Variants in OSCAR observed in about 807,000 individuals in gnomAD.
OSCAR encodes the protein osteoclast associated Ig-like receptor, also known as osteoclast-associated immunoglobulin-like receptor.
OSCAR carries 25 observed loss-of-function variants against 27.3 expected under a neutral mutation model. The ratio of observed to expected loss-of-function variants is 0.92; its 90% CI spans 0.67 to 1.28. The LOEUF is 1.28. Ranked by LOEUF, OSCAR falls within the 50% of genes most tolerant of loss-of-function variation. The pLI, the probability that OSCAR is intolerant of heterozygous loss-of-function variation, is 0.00. For synonymous variants in OSCAR, 158 were observed against 165.7 expected, an observed-to-expected ratio of 0.95 and a Z score of 0.36; for missense variants, 354 against 355.1, an observed-to-expected ratio of 1.00 and a Z score of 0.03.
chr19:54,095,394 C>G, intron 4 of OSCAR, 37 bp from the exon 5 acceptor site: 1 of 1,540,966 alleles, frequency 6.5e-7, no homozygotes, highest in Non-Finnish European at 8.7e-7. Flanking sequence ...CCATCAGCTC[C>G]CGGACCCCAA....
chr19:54,098,900 C>G (rs1324921216), intron 2 of OSCAR, among the ~76,000 whole-genome samples: 1 of 150,598 alleles, frequency 6.6e-6, no homozygotes, highest in Non-Finnish European at 1.5e-5. Flanking sequence ...GCAGGAGAAT[C>G]CCTTGAACCC....
At chr19:54,096,477 T>TG (rs2072718889) in intron 3 of OSCAR, among the ~76,000 whole-genome samples, 33 of 126,002 alleles carry the variant, frequency 2.6e-4, no homozygotes, top group East Asian at 1.2e-3. Flanking sequence ...TCTCTCTGCC[T>TG]CCCTCTCTCT....
At chr19:54,099,981 C>G (rs1313473561) in intron 1 of OSCAR, among the ~76,000 whole-genome samples, 4 of 151,936 alleles carry the variant, frequency 2.6e-5, no homozygotes, top group Non-Finnish European at 5.9e-5. Flanking sequence ...CCAGGCTAAT[C>G]TTTGTATTTT....
rs916915019 is a variant in OSCAR at position 54,096,089 on chromosome 19, C to T, written c.438G>A (p.Val146=). Residue 146 remains valine, a synonymous_variant, in exon 4 of 5, where the codon GTG becomes GTA. Coordinates refer to ENST00000358375, the MANE Select transcript of OSCAR (RefSeq NM_133169.6). The part of the protein sequence containing the change: ...PGPVVGPGAN[V]SLRCAGRLRN... ...GCAGGCGGCCCGCGCAGCGCAGGCT[C>T]ACGTTGGCGCCAGGACCCACCACCG... The T allele has an allele frequency of 6.5e-7, 1 of 1,533,200 alleles. No individual in the cohort carries two copies. Among genetic ancestry groups the T allele is most frequent in the South Asian group, 1.2e-5 (1 of 83,840 alleles). The allele number at this position is 1,533,200 out of a possible 1,614,324, so 95.0% of individuals were successfully genotyped here. A position where few individuals can be genotyped will look rare whatever the true frequency, so the allele number is the denominator to read the frequency against.
intron 2 of OSCAR, among the ~76,000 whole-genome samples, chr19:54,098,601 C>G (rs587737455): frequency 7.9e-5 from 12 of 151,812 alleles, no homozygotes; most frequent in African/African-American, 2.9e-4. Context: ...GGAGGATTGT[C>G]TGAGCCCAGG....
At chr19:54,096,620 C>G (rs903816743) in intron 3 of OSCAR, among the ~76,000 whole-genome samples, 1 of 149,508 alleles carries the variant, frequency 6.7e-6, no homozygotes. Context: ...CTCTCTGCCT[C>G]CCTCTCTCTC....
At chr19:54,095,822 G>A in intron 4 of OSCAR, 50 bp downstream of exon 4, 1 of 1,550,816 alleles carries the variant, frequency 6.4e-7, no homozygotes, top group Non-Finnish European at 8.7e-7. Context: ...GAGGTCCTGG[G>A]GCCTGCATTC....
Position 54,095,024 on chromosome 19 carries a change from A to G in OSCAR, c.*197T>C. ...TTCTGGCTTGGAAGTCTTAACCACT[A>G]ATCGCGTCTTCCTTTCAGCTACTCC... is the stretch of plus-strand genomic sequence containing the variant. On this transcript the variant is annotated 3_prime_UTR_variant, in exon 5 of 5. Coordinates refer to ENST00000358375, the MANE Select transcript of OSCAR (RefSeq NM_133169.6). 1 of 865,104 alleles carries G rather than the reference A, an allele frequency of 1.2e-6. No homozygotes were observed. Among genetic ancestry groups the G allele is most frequent in the Non-Finnish European group, 1.6e-6 (1 of 610,668 alleles). The allele number at this position is 865,104 out of a possible 1,614,324, so 53.6% of individuals were successfully genotyped here. A position where few individuals can be genotyped will look rare whatever the true frequency, so the allele number is the denominator to read the frequency against.
intron 1 of OSCAR, 93 bp downstream of exon 1, chr19:54,100,663 C>G: frequency 1.5e-6 from 2 of 1,341,052 alleles, no homozygotes; most frequent in South Asian, 2.7e-5. Flanking sequence ...AACCTGCTGC[C>G]TGGTCCCCCT....
chr19:54,097,522 C>T (rs913907933), intron 2 of OSCAR, among the ~76,000 whole-genome samples: 18 of 150,234 alleles, frequency 1.2e-4, no homozygotes, highest in Non-Finnish European at 1.8e-4. Context: ...TGGCCTCAAG[C>T]AATCCTCCCA....
Position 54,097,148 on chromosome 19 carries a change from G to A in OSCAR, c.87C>T (p.Tyr29=), listed in dbSNP as rs2072790554. Reference sequence around the variant, plus strand: ...GAGCTCCCAGCCATGGCTTAGGGTGGTATGAAGCTGGGGGGACTGAATAAA... The same window carrying A: ...GAGCTCCCAGCCATGGCTTAGGGTGATATGAAGCTGGGGGGACTGAATAAA... ...DITPSVPPAS[Y]HPKPWLGAQP... Residue 29 remains tyrosine (Y), a synonymous_variant, in exon 3 of 5, where the codon TAC becomes TAT. Coordinates refer to ENST00000358375, the MANE Select transcript of OSCAR (RefSeq NM_133169.6). 23 of 1,613,772 alleles carry A rather than the reference G, an allele frequency of 1.4e-5. No homozygotes were observed. The highest frequency in any genetic ancestry group is 1.9e-5 in the Non-Finnish European group (23 of 1,179,826).
rs868445980 is a variant in OSCAR at position 54,096,955 on chromosome 19, G to A, written c.280C>T (p.Gln94Ter). 5.6e-6 allele frequency: 9 copies of A among 1,614,022 alleles called. No individual in the cohort carries two copies. Among genetic ancestry groups the A allele is most frequent in the African/African-American group, 4.0e-5 (3 of 74,914 alleles). Residue 94 changes from glutamine to a stop codon, truncating the protein, a stop_gained, in exon 3 of 5, where the codon CAA (glutamine) becomes TAA (stop). Transcript: ENST00000358375. LOFTEE classifies it high-confidence loss of function. ...EFFLEEVTPAQGGSYRCCYRR... is the reference protein window; with the variant it reads ...EFFLEEVTPA Reference sequence around the variant, plus strand: ...TAGCAGCAGCGGTAACTTCCCCCTTGGGCTGGAGTCACCTCCTCCAGAAAG... The same window carrying A: ...TAGCAGCAGCGGTAACTTCCCCCTTAGGCTGGAGTCACCTCCTCCAGAAAG...
chr19:54,094,986 C>T lies in OSCAR; in HGVS notation c.*235G>A, dbSNP rs1422158237. ...GTGAGTAGACGGCAGTGCTGGGATT[C>T]GAACCCTCTGTCTTCTGGCTTGGAA... is the stretch of plus-strand genomic sequence containing the variant. On this transcript the variant is annotated 3_prime_UTR_variant, in exon 5 of 5. Coordinates refer to ENST00000358375, the MANE Select transcript of OSCAR (RefSeq NM_133169.6). 7 of 581,316 alleles carry T rather than the reference C, an allele frequency of 1.2e-5. No homozygotes were observed. Among genetic ancestry groups the T allele is most frequent in the East Asian group, 1.0e-4 (3 of 29,714 alleles). 36.0% of individuals were successfully genotyped at this position (581,316 alleles called of 1,614,324 possible).
Position 54,098,771 on chromosome 19 carries a change from A to G in OSCAR, c.70+977T>C, listed in dbSNP as rs368484335. On this transcript the variant is annotated intron_variant, in intron 2 of 4. Transcript: ENST00000358375. Reference sequence around the variant, plus strand: ...GAGGCTGAGGCAGAGGGATCACCTGAGGTCAGGAGTTCCAGACCAGCCTGA... The same window carrying G: ...GAGGCTGAGGCAGAGGGATCACCTGGGGTCAGGAGTTCCAGACCAGCCTGA... 9.4e-4 allele frequency among the ~76,000 whole-genome samples: 143 copies of G among 152,060 alleles called. 1 individual carries two copies. In the Middle Eastern group the frequency reaches 0.01, roughly 11 times the overall value.
chr19:54,095,686 C>T, intron 4 of OSCAR, 186 bp downstream of exon 4: 1 of 1,106,378 alleles, frequency 9.0e-7, no homozygotes, highest in Non-Finnish European at 1.3e-6. Context: ...GACTAGACTC[C>T]TGGATCTGAG....
chr19:54,095,811 G>T (rs1366659252), intron 4 of OSCAR, 61 bp downstream of exon 4: 2 of 1,549,690 alleles, frequency 1.3e-6, no homozygotes, highest in African/African-American at 2.7e-5. Flanking sequence ...GTCTGAGGGC[G>T]GAGGTCCTGG....
chr19:54,096,817 C>G (rs2072755259), intron 3 of OSCAR, 45 bp downstream of exon 3: 2 of 1,580,168 alleles, frequency 1.3e-6, no homozygotes, highest in East Asian at 4.5e-5. Context: ...CCTCCCCCAA[C>G]TCCCTTGTTC....
chr19:54,100,385 C>T (rs2072987811), intron 1 of OSCAR, among the ~76,000 whole-genome samples: 1 of 152,110 alleles, frequency 6.6e-6, no homozygotes, highest in South Asian at 2.1e-4. Flanking sequence ...CTCACGAGTT[C>T]AGGAATCTGG....
intron 2 of OSCAR, among the ~76,000 whole-genome samples, chr19:54,097,584 CTTTTTT>C (rs33998262): frequency 2.7e-5 from 1 of 37,456 alleles, no homozygotes; most frequent in Non-Finnish European, 4.7e-5. Flanking sequence ...CACACCCAGA[CTTTTTT>C]TTTTTTTTTT....
Sources: allele counts gnomAD v4.1 joint callset (sites outside exome capture counted in the v4.1 genomes callset), GRCh38; gene constraint gnomAD v4.1.1; transcripts MANE v1.5; gene names NCBI Gene and HGNC (gene_info 2026-07-23, HGNC 2026-07-21).